The following GABRA3 variants were observed in gnomAD, a reference collection of about 807,000 sequenced individuals.
GABRA3 encodes gamma-aminobutyric acid receptor subunit alpha-3.
In GABRA3, 10 loss-of-function variants were observed where a neutral mutation model predicts 30.1. The observed-to-expected ratio is 0.33, with a 90% CI of 0.20 to 0.56. The LOEUF is 0.56. Among genes scored for constraint, GABRA3 ranks in the 20% least tolerant of loss-of-function variants. The pLI is 0.89. For synonymous variants in GABRA3, 151 were observed against 146.8 expected (o/e 1.03, Z -0.21); for missense variants, 233 against 392.0 (o/e 0.59, Z 3.42).
intron 2 of GABRA3, among the ~76,000 whole-genome samples, chrX:152,353,620 A>G (rs1294028391): frequency 8.9e-6 from 1 of 111,738 alleles, no homozygotes; most frequent in Non-Finnish European, 1.9e-5. Flanking sequence ...TTTTGACACA[A>G]AAGAAAAGAA....
At chrX:152,186,150 C>G (rs923952689) in intron 9 of GABRA3, among the ~76,000 whole-genome samples, 3 of 111,456 alleles carry the variant, frequency 2.7e-5, no homozygotes, top group Non-Finnish European at 5.6e-5. Flanking sequence ...TAGTGTAACC[C>G]CAGGGACCTC....
At chrX:152,179,621 A>G (rs1221305592) in intron 9 of GABRA3, among the ~76,000 whole-genome samples, 2 of 108,991 alleles carry the variant, frequency 1.8e-5, no homozygotes, top group East Asian at 5.8e-4. Flanking sequence ...CAGCCTCCCA[A>G]GTAGCTGGGA....
chrX:152,403,217 A>G (rs1929837555), intron 1 of GABRA3, among the ~76,000 whole-genome samples: 1 of 111,433 alleles, frequency 9.0e-6, no homozygotes, highest in Non-Finnish European at 1.9e-5. Context: ...GAAAAAAGAG[A>G]AAAAGTGTTA....
chrX:152,262,560 T>C (rs1349876679), intron 4 of GABRA3, among the ~76,000 whole-genome samples: 1 of 112,111 alleles, frequency 8.9e-6, no homozygotes, highest in Non-Finnish European at 1.9e-5. Flanking sequence ...TTTGCTCCAG[T>C]TTCCAACAAG....
intron 1 of GABRA3, among the ~76,000 whole-genome samples, chrX:152,408,118 T>C (rs1929980768): frequency 1.8e-5 from 2 of 111,464 alleles, no homozygotes; most frequent in Non-Finnish European, 3.8e-5. Context: ...ACTAGTATCA[T>C]ACTGAGCAGG....
intron 3 of GABRA3, among the ~76,000 whole-genome samples, chrX:152,327,373 T>C (rs1940081366): frequency 9.0e-6 from 1 of 110,685 alleles, no homozygotes; most frequent in Non-Finnish European, 1.9e-5. Flanking sequence ...TACAGAACTC[T>C]CCACCCCAAA....
At position 152,275,238 on chromosome X, in the gene GABRA3, T is replaced by TAATA. The variant is rs1569378354; in HGVS notation, c.330+9429_330+9430insTATT. On this transcript the variant is annotated intron_variant, in intron 4 of 9. Coordinates refer to ENST00000370314, the MANE Select transcript of GABRA3 (RefSeq NM_000808.4). ...ATTATATATATATAATTTATATATA[T>TAATA]TTTATTATATATAATAAAATATATA... 4.6e-3 allele frequency among the ~76,000 whole-genome samples: 235 copies of TAATA among 51,161 alleles called. 5 individuals are homozygous for TAATA. The highest frequency in any genetic ancestry group is 0.02 in the African/African-American group (199 of 10,020). The allele number at this position is 51,161 out of a possible 115,157, so 44.4% of individuals were successfully genotyped here. A position where few individuals can be genotyped will look rare whatever the true frequency, so the allele number is the denominator to read the frequency against.
At chrX:152,348,370 G>A (rs934663642) in intron 2 of GABRA3, among the ~76,000 whole-genome samples, 62 of 111,569 alleles carry the variant, frequency 5.6e-4, no homozygotes, top group African/African-American at 2.0e-3. Flanking sequence ...TCAACTTAAT[G>A]AGAGCAACAC....
chrX:152,174,427 T>C (rs935549307), intron 9 of GABRA3, among the ~76,000 whole-genome samples: 1 of 112,007 alleles, frequency 8.9e-6, no homozygotes, highest in Admixed American at 9.4e-5. Context: ...AGTGTTCCTA[T>C]TTCTCCACAT....
chrX:152,236,173 T>C (rs1296476957), intron 5 of GABRA3, among the ~76,000 whole-genome samples: 4 of 82,637 alleles, frequency 4.8e-5, no homozygotes, highest in African/African-American at 1.9e-4. Context: ...GTCCCCAGAG[T>C]GTGATATTCC....
chrX:152,411,555 T>C lies in GABRA3; in HGVS notation c.-27+39591A>G, dbSNP rs775996076. The stretch of plus-strand genomic sequence containing the variant: ...AAAGGAGCTGGATCTGTTTCACTTA[T>C]CATATGCAAAATTTAACTCAAACTC... On this transcript the variant is annotated intron_variant, in intron 1 of 9. Coordinates refer to ENST00000370314, the MANE Select transcript of GABRA3 (RefSeq NM_000808.4). 8.1e-5 allele frequency among the ~76,000 whole-genome samples: 9 copies of C among 111,638 alleles called. No homozygotes were observed. In the Admixed American group the frequency reaches 8.6e-4, roughly 11 times the overall value.
intron 3 of GABRA3, among the ~76,000 whole-genome samples, chrX:152,294,548 T>G (rs1292869871): frequency 9.0e-6 from 1 of 111,437 alleles, no homozygotes; most frequent in African/African-American, 3.3e-5. Context: ...TGAAGATTTT[T>G]GTCTTCCTTG....
At chrX:152,429,869 T>G (rs763763880) in intron 1 of GABRA3, among the ~76,000 whole-genome samples, 1 of 112,106 alleles carries the variant, frequency 8.9e-6, no homozygotes, top group East Asian at 2.8e-4. Flanking sequence ...AACACCTGTC[T>G]GCTTAACCTA....
Position 152,369,186 on chromosome X carries a change from G to C in GABRA3, c.-26-4590C>G, listed in dbSNP as rs919099478. 6.3e-5 allele frequency among the ~76,000 whole-genome samples: 7 copies of C among 110,720 alleles called. No homozygotes were observed. In the East Asian group the frequency reaches 2.0e-3, roughly 32 times the overall value. ...GATTTACATTTCCTTTAAGATTAGTGATATTGAGAATTTTATCATATACCT... is the reference window on the plus strand; with the variant it reads ...GATTTACATTTCCTTTAAGATTAGTCATATTGAGAATTTTATCATATACCT... On this transcript the variant is annotated intron_variant, in intron 1 of 9. Coordinates refer to ENST00000370314, the MANE Select transcript of GABRA3 (RefSeq NM_000808.4).
chrX:152,172,951 T>TACAC lies in GABRA3; in HGVS notation c.1144-4392_1144-4389dup, dbSNP rs58184376. Among the ~76,000 whole-genome samples, 543 of 102,590 alleles carry TACAC rather than the reference T, an allele frequency of 5.3e-3. 3 individuals carry two copies. Among genetic ancestry groups the TACAC allele is most frequent in the South Asian group, 0.032 (72 of 2,222 alleles). The allele number at this position is 102,590 out of a possible 115,157, so 89.1% of individuals were successfully genotyped here. A position where few individuals can be genotyped will look rare whatever the true frequency, so the allele number is the denominator to read the frequency against. ...GGTTATATATATTTACGAGTATGTG[T>TACAC]ACACACACACACACACACACACACA... On this transcript the variant is annotated intron_variant, in intron 9 of 9. Transcript: ENST00000370314.
At chrX:152,424,400 A>C (rs778872034) in intron 1 of GABRA3, among the ~76,000 whole-genome samples, 2 of 111,080 alleles carry the variant, frequency 1.8e-5, no homozygotes, top group Non-Finnish European at 3.8e-5. Flanking sequence ...CCTCAATCAC[A>C]CAATAACTAA....
At chrX:152,292,443 C>T (rs1054063917) in intron 3 of GABRA3, among the ~76,000 whole-genome samples, 1 of 111,174 alleles carries the variant, frequency 9.0e-6, no homozygotes, top group African/African-American at 3.3e-5. Flanking sequence ...CTCGTTTCTT[C>T]TTTATTAGTC....
intron 9 of GABRA3, chrX:152,171,486 C>T (rs1020938258): frequency 1.2e-5 from 2 of 172,994 alleles, no homozygotes; most frequent in Non-Finnish European, 1.8e-5. Flanking sequence ...GAAAATGAGC[C>T]ATAGATTAAT....
chrX:152,179,721 C>G (rs1937121109), intron 9 of GABRA3, among the ~76,000 whole-genome samples: 1 of 110,558 alleles, frequency 9.0e-6, no homozygotes, highest in Non-Finnish European at 1.9e-5. Context: ...GTCTCGATCT[C>G]CTGACCTCGT....
Sources: gnomAD v4.1 joint callset for allele counts (sites outside exome capture counted in the v4.1 genomes callset) on GRCh38, gnomAD v4.1.1 for gene constraint, MANE v1.5 for transcripts, NCBI Gene and HGNC (gene_info 2026-07-23, HGNC 2026-07-21) for gene names.